CTNNA2: variants seen among roughly 807,000 people sequenced by gnomAD.
CTNNA2 encodes catenin alpha 2, also known as catenin alpha-2.
CTNNA2 carries 42 observed loss-of-function variants against 101.0 expected under a neutral mutation model. That is an observed-to-expected ratio of 0.42 (90% CI 0.32 to 0.54). CTNNA2 has a LOEUF of 0.54. CTNNA2 is among the 20% of genes least tolerant of loss of function. The pLI is 0.14. For missense variants in CTNNA2, 871 were observed against 1,223.1 expected, an observed-to-expected ratio of 0.71 and a Z score of 4.29; for synonymous variants, 450 against 456.4, an observed-to-expected ratio of 0.99 and a Z score of 0.18.
intron 4 of CTNNA2, among the ~76,000 whole-genome samples, chr2:79,449,215 A>C (rs2104525510): frequency 6.6e-6 from 1 of 152,178 alleles, no homozygotes; most frequent in South Asian, 2.1e-4. Context: ...TCAGTGAAGT[A>C]AAAAGGGAGA....
intron 2 of CTNNA2, among the ~76,000 whole-genome samples, chr2:79,672,602 T>C (rs1281620194): frequency 6.6e-6 from 1 of 152,220 alleles, no homozygotes; most frequent in East Asian, 1.9e-4. Flanking sequence ...TTAATGTATG[T>C]TTTTTAAAAG....
intron 7 of CTNNA2, among the ~76,000 whole-genome samples, chr2:80,158,177 G>C (rs1704095340): frequency 6.6e-6 from 1 of 152,160 alleles, no homozygotes; most frequent in African/African-American, 2.4e-5. Context: ...GATCATCAGA[G>C]AGTAAGGTTG....
chr2:80,225,006 C>T (rs1439754719), intron 7 of CTNNA2, among the ~76,000 whole-genome samples: 1 of 152,184 alleles, frequency 6.6e-6, no homozygotes, highest in Non-Finnish European at 1.5e-5. Flanking sequence ...CCCCACACTG[C>T]ACCAGCCTGG....
At chr2:79,712,340 G>C (rs1406453539) in intron 2 of CTNNA2, among the ~76,000 whole-genome samples, 3 of 152,172 alleles carry the variant, frequency 2.0e-5, no homozygotes, top group Admixed American at 6.5e-5. Flanking sequence ...TAAAATGGAT[G>C]TACCATTCTT....
At chr2:79,468,305 G>A (rs1022163574) in intron 4 of CTNNA2, among the ~76,000 whole-genome samples, 24 of 152,280 alleles carry the variant, frequency 1.6e-4, no homozygotes, top group African/African-American at 5.5e-4. Flanking sequence ...ATGGTAAAGG[G>A]ATGAATTCAA....
intron 2 of CTNNA2, among the ~76,000 whole-genome samples, chr2:79,689,416 G>A (rs899040405): frequency 1.2e-4 from 18 of 152,092 alleles, no homozygotes; most frequent in African/African-American, 3.9e-4. Context: ...CACAAGGACT[G>A]AAGCCCAGTT....
At chr2:80,636,740 A>G (rs1672925019) in intron 18 of CTNNA2, among the ~76,000 whole-genome samples, 1 of 152,134 alleles carries the variant, frequency 6.6e-6, no homozygotes, top group African/African-American at 2.4e-5. Flanking sequence ...ATGTTTAAAC[A>G]TCAGCTTCCC....
intron 7 of CTNNA2, among the ~76,000 whole-genome samples, chr2:80,220,950 C>T (rs374605151): frequency 9.2e-5 from 14 of 152,210 alleles, no homozygotes; most frequent in African/African-American, 2.4e-4. Context: ...GGCACAATCT[C>T]GGCTCACTGC....
intron 9 of CTNNA2, among the ~76,000 whole-genome samples, chr2:80,473,189 C>T (rs1198999853): frequency 6.6e-6 from 1 of 152,146 alleles, no homozygotes; most frequent in African/African-American, 2.4e-5. Context: ...ATAATGACCC[C>T]AGACTCCCCA....
intron 4 of CTNNA2, among the ~76,000 whole-genome samples, chr2:79,495,342 A>G (rs751719980): frequency 1.3e-5 from 2 of 152,388 alleles, no homozygotes; most frequent in Middle Eastern, 3.4e-3. Flanking sequence ...AAGAAGATAT[A>G]CAAATGGCAA....
intron 2 of CTNNA2, among the ~76,000 whole-genome samples, chr2:79,239,741 A>G (rs1047276445): frequency 2.6e-5 from 4 of 152,226 alleles, no homozygotes; most frequent in Non-Finnish European, 4.4e-5. Context: ...AAAAGAAACT[A>G]TCATTGTCAT....
intron 7 of CTNNA2, among the ~76,000 whole-genome samples, chr2:80,118,266 C>T (rs950880328): frequency 6.6e-6 from 1 of 152,104 alleles, no homozygotes. Context: ...TCAAAATAGA[C>T]GTGGGGCATG....
intron 15 of CTNNA2, among the ~76,000 whole-genome samples, chr2:80,603,207 C>A (rs1242482322): frequency 6.6e-6 from 1 of 151,960 alleles, no homozygotes; most frequent in East Asian, 1.9e-4. Flanking sequence ...TTATTCTTTA[C>A]CTCTCACAAT....
chr2:80,411,480 CT>C (rs922070671), intron 8 of CTNNA2, among the ~76,000 whole-genome samples: 21 of 152,200 alleles, frequency 1.4e-4, no homozygotes, highest in African/African-American at 5.1e-4. Flanking sequence ...GGCTCTTCTT[CT>C]TTTTGGTCTT....
intron 8 of CTNNA2, among the ~76,000 whole-genome samples, chr2:80,413,558 T>C (rs1212771563): frequency 6.6e-6 from 1 of 152,172 alleles, no homozygotes; most frequent in Non-Finnish European, 1.5e-5. Context: ...GATGGCACCT[T>C]GGCTTATTAA....
intron 7 of CTNNA2, among the ~76,000 whole-genome samples, chr2:80,215,478 A>G (rs1331613747): frequency 2.6e-5 from 4 of 152,128 alleles, no homozygotes; most frequent in Non-Finnish European, 5.9e-5. Flanking sequence ...TTTCCTTCTA[A>G]CAGTCAGGAC....
rs1392279923 is a variant in CTNNA2 at position 79,471,556 on chromosome 2, C to T, written c.-134-33498C>T. 4.6e-5 allele frequency among the ~76,000 whole-genome samples: 7 copies of T among 152,032 alleles called. No homozygotes were observed. In the South Asian group the frequency reaches 6.2e-4, roughly 14 times the overall value. ...ATCGGAGGTTAAGATTTTAACATATCGGCCGGGTGCAGTGGCTCACGCCTG... is the reference window on the plus strand; with the variant it reads ...ATCGGAGGTTAAGATTTTAACATATTGGCCGGGTGCAGTGGCTCACGCCTG... On this transcript the variant is annotated intron_variant, in intron 4 of 21. Coordinates refer to the CTNNA2 transcript ENST00000466387.
intron 17 of CTNNA2, among the ~76,000 whole-genome samples, chr2:80,614,552 G>A (rs1698698432): frequency 1.3e-5 from 2 of 151,308 alleles, no homozygotes; most frequent in Non-Finnish European, 3.0e-5. Flanking sequence ...CTTGGGATAT[G>A]TGTAAAACCC....
chr2:80,087,484 G>C (rs141814583), intron 7 of CTNNA2, among the ~76,000 whole-genome samples: 1 of 151,964 alleles, frequency 6.6e-6, no homozygotes, highest in South Asian at 2.1e-4. Flanking sequence ...GTGTAAATAC[G>C]GGATGGATTT....
Sources: gnomAD v4.1 joint callset for allele counts (sites outside exome capture counted in the v4.1 genomes callset) on GRCh38, gnomAD v4.1.1 for gene constraint, MANE v1.5 for transcripts, NCBI Gene and HGNC (gene_info 2026-07-23, HGNC 2026-07-21) for gene names.